The following GRID1 variants were observed in gnomAD, a reference collection of about 807,000 sequenced individuals.
GRID1 encodes the protein glutamate ionotropic receptor delta type subunit 1.
GRID1 carries 28 observed loss-of-function variants against 98.0 expected under a neutral mutation model. The observed-to-expected ratio is 0.29, with a 90% CI of 0.21 to 0.39. GRID1 has a LOEUF of 0.39. GRID1 is among the 10% of genes least tolerant of loss of function. The probability of loss-of-function intolerance (pLI) is 1.00; values close to 1 mark genes in which losing one functional copy is unlikely to be tolerated. For synonymous variants in GRID1, 553 were observed against 538.5 expected (o/e 1.03, Z -0.37); for missense variants, 1,111 against 1,340.5 (o/e 0.83, Z 2.67).
At position 86,206,661 on chromosome 10, in the gene GRID1, AAGAG is replaced by A. The variant is rs755826670; in HGVS notation, c.236-17_236-14del. On this transcript the variant is annotated splice_polypyrimidine_tract_variant and intron_variant, in intron 2 of 15. Transcript: ENST00000327946. The surrounding 1 kb of genome is among the most constrained non-coding windows in gnomAD (Gnocchi z 4.1). The stretch of plus-strand genomic sequence containing the variant: ...ATGAGGTCACAGGCTAGAAAGAGAG[AAGAG>A]AGAGAGGAAGGGGTCAGCATCAGGG... 1 of 1,605,222 alleles carries A rather than the reference AAGAG, an allele frequency of 6.2e-7. No individual in the cohort carries two copies.
intron 4 of GRID1, among the ~76,000 whole-genome samples, chr10:85,987,317 A>C (rs1589325760): frequency 1.3e-4 from 14 of 109,880 alleles, no homozygotes; most frequent in African/African-American, 3.6e-4. Context: ...CTCACCTCCC[A>C]CCTCCCACTC....
intron 2 of GRID1, among the ~76,000 whole-genome samples, chr10:86,247,428 A>G (rs1440072836): frequency 6.6e-6 from 1 of 152,146 alleles, no homozygotes; most frequent in African/African-American, 2.4e-5. Flanking sequence ...TGATGAATGA[A>G]TGGATGGTTG....
At chr10:85,685,205 A>G (rs1228840399) in intron 12 of GRID1, among the ~76,000 whole-genome samples, 1 of 152,238 alleles carries the variant, frequency 6.6e-6, no homozygotes, top group Non-Finnish European at 1.5e-5. Flanking sequence ...TAAGTTATTA[A>G]AATTAATAAG....
intron 4 of GRID1, among the ~76,000 whole-genome samples, chr10:86,003,508 T>C (rs1842824266): frequency 6.6e-6 from 1 of 152,242 alleles, no homozygotes; most frequent in South Asian, 2.1e-4. Flanking sequence ...TCCTGAGAGC[T>C]CAGGCAGCTT....
intron 3 of GRID1, among the ~76,000 whole-genome samples, chr10:86,172,895 C>T (rs926760505): frequency 3.3e-5 from 5 of 152,098 alleles, no homozygotes; most frequent in Admixed American, 1.3e-4. Context: ...GGGTAGTGGG[C>T]CTTGTGTATG....
chr10:86,313,135 G>A (rs1847854131), intron 2 of GRID1, among the ~76,000 whole-genome samples: 1 of 152,246 alleles, frequency 6.6e-6, no homozygotes, highest in Non-Finnish European at 1.5e-5. Flanking sequence ...GTCCTGTGGA[G>A]GGAACTGGGG....
chr10:86,288,200 T>C (rs1239988974), intron 2 of GRID1, among the ~76,000 whole-genome samples: 3 of 152,220 alleles, frequency 2.0e-5, no homozygotes, highest in African/African-American at 7.2e-5. Flanking sequence ...CCTGTTCACC[T>C]GCGAGAGCAG....
intron 2 of GRID1, among the ~76,000 whole-genome samples, chr10:86,284,991 A>G (rs944000999): frequency 1.8e-4 from 3 of 16,538 alleles, no homozygotes; most frequent in Non-Finnish European, 3.9e-4. Context: ...GGTTGCTGGA[A>G]GGTACGAGAC....
At chr10:86,106,355 C>T (rs1274774453) in intron 4 of GRID1, among the ~76,000 whole-genome samples, 2 of 151,960 alleles carry the variant, frequency 1.3e-5, no homozygotes, top group Non-Finnish European at 2.9e-5. Context: ...AATGTTTATC[C>T]CAGGATGTTA....
At chr10:85,619,774 T>A (rs1245004034) in intron 14 of GRID1, 93 bp downstream of exon 14, 2 of 928,010 alleles carry the variant, frequency 2.2e-6, no homozygotes, top group African/African-American at 3.3e-5. Flanking sequence ...ACAAAGATGT[T>A]TGCATTGGCT....
intron 4 of GRID1, among the ~76,000 whole-genome samples, chr10:86,007,821 T>TG (rs879937716): frequency 1.4e-5 from 2 of 141,358 alleles, no homozygotes; most frequent in African/African-American, 2.8e-5. Flanking sequence ...TTTTTGTGTT[T>TG]TTTTATTTAT....
chr10:86,247,770 G>A (rs1846755412), intron 2 of GRID1, among the ~76,000 whole-genome samples: 1 of 152,154 alleles, frequency 6.6e-6, no homozygotes, highest in Non-Finnish European at 1.5e-5. Flanking sequence ...CTGGGCCCCT[G>A]AGACCCCAGG....
chr10:85,651,014 C>T (rs1471707687), intron 12 of GRID1, among the ~76,000 whole-genome samples: 1 of 152,142 alleles, frequency 6.6e-6, no homozygotes, highest in African/African-American at 2.4e-5. Context: ...AATCCTTGGG[C>T]CCCACTCCAG....
chr10:86,333,043 T>C (rs551172576), intron 2 of GRID1, among the ~76,000 whole-genome samples: 9 of 152,312 alleles, frequency 5.9e-5, no homozygotes, highest in Admixed American at 5.2e-4. Flanking sequence ...GCTATCAGTA[T>C]GAGGTCCAGC....
intron 4 of GRID1, among the ~76,000 whole-genome samples, chr10:86,012,253 A>T (rs79467389): frequency 2.0e-5 from 3 of 152,188 alleles, no homozygotes; most frequent in East Asian, 3.9e-4. Context: ...TTGGAAAAAC[A>T]TGTTAGTGCC....
chr10:85,949,283 C>T (rs1279011452), intron 4 of GRID1, among the ~76,000 whole-genome samples: 3 of 152,118 alleles, frequency 2.0e-5, no homozygotes, highest in Non-Finnish European at 2.9e-5. Context: ...TCTCATTTCC[C>T]AGAAGTAACC....
intron 4 of GRID1, among the ~76,000 whole-genome samples, chr10:85,963,676 C>T (rs1246580618): frequency 6.6e-6 from 1 of 152,222 alleles, no homozygotes; most frequent in African/African-American, 2.4e-5. Context: ...CTCCTGGTCA[C>T]ACCTTGCCTC....
chr10:86,042,553 G>T (rs1386045223), intron 4 of GRID1, among the ~76,000 whole-genome samples: 1 of 152,132 alleles, frequency 6.6e-6, no homozygotes, highest in African/African-American at 2.4e-5. Flanking sequence ...GGAGCATGGG[G>T]GCCTGGAAAT....
chr10:85,771,999 C>G (rs12246235), intron 8 of GRID1, among the ~76,000 whole-genome samples: 3,446 of 152,178 alleles, frequency 0.023, 124 homozygotes, highest in African/African-American at 0.079. Flanking sequence ...AACTCTCCAC[C>G]CCAAATCAAC....
Sources: allele counts gnomAD v4.1 joint callset (sites outside exome capture counted in the v4.1 genomes callset), GRCh38; gene constraint gnomAD v4.1.1; non-coding constraint Gnocchi (gnomAD v3.1); transcripts MANE v1.5; gene names NCBI Gene and HGNC (gene_info 2026-07-23, HGNC 2026-07-21).